MTHFD2L: variants seen among roughly 807,000 people sequenced by gnomAD.
MTHFD2L encodes the protein bifunctional methylenetetrahydrofolate dehydrogenase/cyclohydrolase 2, mitochondrial.
MTHFD2L carries 29 observed loss-of-function variants against 34.9 expected under a neutral mutation model. That is an observed-to-expected ratio of 0.83 (90% confidence interval 0.62 to 1.13). The LOEUF (loss-of-function observed/expected upper bound fraction) is 1.13, where lower values mean the gene tolerates loss of function less well. Ranked by LOEUF, MTHFD2L falls within the 50% of genes most tolerant of loss-of-function variation. The probability of loss-of-function intolerance (pLI) is 0.00; values close to 1 mark genes in which losing one functional copy is unlikely to be tolerated. For synonymous variants in MTHFD2L, 167 were observed against 155.7 expected (o/e 1.07, Z -0.54); for missense variants, 481 against 446.5 (o/e 1.08, Z -0.70).
At chr4:74,177,922 T>G (rs922026419) in intron 3 of MTHFD2L, among the ~76,000 whole-genome samples, 1 of 151,980 alleles carries the variant, frequency 6.6e-6, no homozygotes. Flanking sequence ...GAATCAACTT[T>G]TTAAAAGAAT....
intron 6 of MTHFD2L, among the ~76,000 whole-genome samples, chr4:74,238,721 A>G (rs968622781): frequency 1.2e-4 from 18 of 152,246 alleles, no homozygotes; most frequent in African/African-American, 4.3e-4. Context: ...TATGCAGCCA[A>G]CAAACACAAG....
upstream of MTHFD2L, among the ~76,000 whole-genome samples, chr4:74,124,467 T>C (rs1004348268): frequency 2.0e-5 from 3 of 151,008 alleles, no homozygotes; most frequent in African/African-American, 4.8e-5. Context: ...TTAATAAATT[T>C]ATAGTTTTAT....
intron 3 of MTHFD2L, chr4:74,181,538 C>T (rs1730173711): frequency 6.6e-6 from 1 of 152,162 alleles, no homozygotes; most frequent in Admixed American, 6.6e-5. Flanking sequence ...GTACCATAGT[C>T]ACAGTCCTAC....
Position 74,251,526 on chromosome 4 carries a change from T to C in MTHFD2L, c.805+26132T>C, listed in dbSNP as rs541930114. Among the ~76,000 whole-genome samples the C allele has an allele frequency of 2.6e-5, 4 of 152,322 alleles. No individual in the cohort carries two copies. The South Asian group carries it at 8.3e-4, about 32-fold the overall frequency. On this transcript the variant is annotated intron_variant, in intron 6 of 7. Transcript: ENST00000325278. ...AAGTTTATTGGAAATCCCTGCTTTG[T>C]TGTGTAGTCAGATTCTTCTGTTCAG...
intron 5 of MTHFD2L, among the ~76,000 whole-genome samples, chr4:74,212,175 T>C (rs565598859): frequency 6.1e-4 from 93 of 152,212 alleles, no homozygotes; most frequent in East Asian, 5.6e-3. Flanking sequence ...TTTTGAAGGG[T>C]TTTTTGTCTC....
At chr4:74,269,053 A>G (rs1219420580) in intron 6 of MTHFD2L, among the ~76,000 whole-genome samples, 6 of 152,222 alleles carry the variant, frequency 3.9e-5, no homozygotes. Context: ...GTGTGAATCT[A>G]TATAGATGAT....
chr4:74,199,042 G>C (rs1046427362), intron 3 of MTHFD2L, among the ~76,000 whole-genome samples: 1 of 151,980 alleles, frequency 6.6e-6, no homozygotes, highest in Non-Finnish European at 1.5e-5. Context: ...TATACTTTTA[G>C]TATATTAGGC....
chr4:74,166,844 C>T (rs946489176), intron 1 of MTHFD2L, among the ~76,000 whole-genome samples: 3 of 152,206 alleles, frequency 2.0e-5, no homozygotes, highest in African/African-American at 7.2e-5. Flanking sequence ...CAGGTCCAAG[C>T]CTATCCCCAG....
At chr4:74,256,486 T>C (rs962117486) in intron 6 of MTHFD2L, among the ~76,000 whole-genome samples, 10 of 152,166 alleles carry the variant, frequency 6.6e-5, no homozygotes, top group African/African-American at 2.4e-4. Context: ...ATGTTCAGAA[T>C]GGTGTTTCCT....
chr4:74,196,904 C>G (rs1733575785), intron 3 of MTHFD2L, among the ~76,000 whole-genome samples: 1 of 150,836 alleles, frequency 6.6e-6, no homozygotes, highest in East Asian at 1.9e-4. Context: ...TGAGATCATA[C>G]CACTGCACTC....
intron 6 of MTHFD2L, among the ~76,000 whole-genome samples, chr4:74,250,902 G>A (rs1743209130): frequency 6.6e-6 from 1 of 152,190 alleles, no homozygotes; most frequent in Non-Finnish European, 1.5e-5. Context: ...AGCCCTTTAA[G>A]TGGAGCTGCC....
intron 1 of MTHFD2L, among the ~76,000 whole-genome samples, chr4:74,171,645 A>G (rs983367341): frequency 6.6e-6 from 1 of 152,084 alleles, no homozygotes; most frequent in Non-Finnish European, 1.5e-5. Context: ...TCTACTAAAT[A>G]TACAAAAATT....
chr4:74,296,473 C>T (rs1749650286), intron 7 of MTHFD2L, among the ~76,000 whole-genome samples: 1 of 152,050 alleles, frequency 6.6e-6, no homozygotes, highest in Admixed American at 6.6e-5. Context: ...TCAACTTGAT[C>T]GTGTGCCTTC....
intron 3 of MTHFD2L, among the ~76,000 whole-genome samples, chr4:74,179,752 TAATA>T (rs1229769756): frequency 3.3e-5 from 5 of 152,142 alleles, no homozygotes; most frequent in African/African-American, 1.2e-4. Context: ...TTGTGTTATG[TAATA>T]AATAATTTAA....
chr4:74,121,226 G>GAACT (rs1245961750), upstream of MTHFD2L, among the ~76,000 whole-genome samples: 4 of 152,148 alleles, frequency 2.6e-5, no homozygotes, highest in Non-Finnish European at 4.4e-5. Flanking sequence ...TAAGCCAAGT[G>GAACT]AACTGACTTT....
chr4:74,269,441 A>T (rs1745692109), intron 6 of MTHFD2L, among the ~76,000 whole-genome samples: 1 of 152,098 alleles, frequency 6.6e-6, no homozygotes, highest in Admixed American at 6.5e-5. Flanking sequence ...CAGATAACTA[A>T]TATGGGAGTT....
At chr4:74,137,149 C>T (rs1238676442) in intron 1 of MTHFD2L, among the ~76,000 whole-genome samples, 1 of 151,934 alleles carries the variant, frequency 6.6e-6, no homozygotes, top group Non-Finnish European at 1.5e-5. Flanking sequence ...TTTTGAATAG[C>T]AAAGGAAACA....
intron 7 of MTHFD2L, among the ~76,000 whole-genome samples, chr4:74,292,686 A>G (rs1749106656): frequency 6.6e-6 from 1 of 152,194 alleles, no homozygotes; most frequent in Non-Finnish European, 1.5e-5. Flanking sequence ...AGCTCTTAAT[A>G]GAACTACCAG....
intron 5 of MTHFD2L, among the ~76,000 whole-genome samples, chr4:74,209,662 C>G (rs1294975162): frequency 1.3e-5 from 2 of 152,120 alleles, no homozygotes; most frequent in African/African-American, 4.8e-5. Flanking sequence ...CATATGTGTG[C>G]ATGTGTCTTT....
Sources: gnomAD v4.1 joint callset for allele counts (sites outside exome capture counted in the v4.1 genomes callset) on GRCh38, gnomAD v4.1.1 for gene constraint, MANE v1.5 for transcripts, NCBI Gene and HGNC (gene_info 2026-07-23, HGNC 2026-07-21) for gene names.